GGA2: variants seen among roughly 807,000 people sequenced by gnomAD.
GGA2 encodes the protein golgi associated, gamma adaptin ear containing, ARF binding protein 2, also known as ADP-ribosylation factor-binding protein GGA2.
Under a neutral mutation model 79.5 loss-of-function variants are expected in GGA2, and 48 were observed. The ratio of observed to expected loss-of-function variants is 0.60; its 90% confidence interval spans 0.48 to 0.77. The LOEUF (loss-of-function observed/expected upper bound fraction) is 0.77. Among genes scored for constraint, GGA2 ranks in the 30% least tolerant of loss-of-function variants. GGA2 has a pLI of 0.00. For missense variants in GGA2, 770 were observed against 774.0 expected (o/e 0.99, Z 0.06); for synonymous variants, 317 against 302.0 (o/e 1.05, Z -0.51).
At chr16:23,493,908 A>G in intron 3 of GGA2, 2 of 290,988 alleles carry the variant, frequency 6.9e-6, no homozygotes, top group Non-Finnish European at 1.3e-5. Context: ...AGTCACCAAC[A>G]TCTAAACACT....
intron 1 of GGA2, chr16:23,501,742 A>G (rs1479371773): frequency 6.4e-6 from 1 of 156,590 alleles, no homozygotes. Context: ...GCTGAAAGAA[A>G]CAACAAAATT....
intron 8 of GGA2, among the ~76,000 whole-genome samples, chr16:23,484,216 T>C (rs1190835880): frequency 6.7e-6 from 1 of 149,016 alleles, no homozygotes; most frequent in African/African-American, 2.5e-5. Flanking sequence ...GAGACCAGCC[T>C]AACCAACATA....
chr16:23,509,795 A>G (rs1717560873), intron 1 of GGA2, among the ~76,000 whole-genome samples: 1 of 150,812 alleles, frequency 6.6e-6, no homozygotes, highest in African/African-American at 2.4e-5. Flanking sequence ...TGTTTAAAAA[A>G]AAAAGTCTGG....
Position 23,466,236 on chromosome 16 carries a change from G to A in GGA2, c.*1354C>T, listed in dbSNP as rs1254501227. 6.6e-6 allele frequency: 1 copy of A among 152,200 alleles called. No individual in the cohort carries two copies. The highest frequency in any genetic ancestry group is 2.4e-5 in the African/African-American group (1 of 41,458). The allele number at this position is 152,200 out of a possible 1,614,324, so 9.4% of individuals were successfully genotyped here. ...TCAAAGGTAGAAACCCACCCAGCCA[G>A]TTCAGCTGCTTGGACTTCAAAGCCC... On this transcript the variant is annotated 3_prime_UTR_variant, in exon 17 of 17. Transcript: ENST00000309859.
At chr16:23,491,396 A>C (rs961291935) in intron 5 of GGA2, among the ~76,000 whole-genome samples, 1 of 151,560 alleles carries the variant, frequency 6.6e-6, no homozygotes, top group African/African-American at 2.4e-5. Context: ...TGACATAGGT[A>C]GCTTGTATTT....
chr16:23,510,329 A>T lies in GGA2; in HGVS notation c.83T>A (p.Leu28Gln), dbSNP rs1433408583. 7.0e-7 allele frequency: 1 copy of T among 1,435,178 alleles called. No homozygotes were observed. Among genetic ancestry groups the T allele is most frequent in the South Asian group, 1.4e-5 (1 of 73,414 alleles). The allele number at this position is 1,435,178 out of a possible 1,614,324, so 88.9% of individuals were successfully genotyped here. The change falls in exon 1 of 17, where the codon CTG becomes CAG. Residue 28 changes from leucine (L) to glutamine (Q), a missense_variant. Coordinates refer to ENST00000309859, the MANE Select transcript of GGA2 (RefSeq NM_015044.4). ...GPPGPAASLE[L>Q]WLNKATDPSM... is the part of the protein sequence containing the mutation. ...CCTGCCAGGCTACTCACTGAGCCAC[A>T]GCTCCAGCGACGCTGCCGGGCCCGG...
chr16:23,509,876 A>T (rs1965016536), intron 1 of GGA2, among the ~76,000 whole-genome samples: 1 of 151,686 alleles, frequency 6.6e-6, no homozygotes, highest in African/African-American at 2.4e-5. Context: ...TCTCAGCCCC[A>T]AACAGACTGC....
intron 1 of GGA2, among the ~76,000 whole-genome samples, chr16:23,499,247 C>G (rs1222129967): frequency 6.6e-6 from 1 of 151,326 alleles, no homozygotes; most frequent in Non-Finnish European, 1.5e-5. Context: ...CGGGTTCAAG[C>G]GATTCTCCGG....
At chr16:23,512,700 CTTTTTTTTTTTTTTTTTT>C (rs34027000), upstream of GGA2, among the ~76,000 whole-genome samples, 6 of 55,932 alleles carry the variant, frequency 1.1e-4, no homozygotes, top group African/African-American at 4.7e-4. Flanking sequence ...TAAAGAAAAT[CTTTTTTTTTTTTTTTTTT>C]TTTTTTTTTT....
intron 10 of GGA2, chr16:23,480,106 T>C (rs866280855): frequency 1.7e-5 from 9 of 526,556 alleles, no homozygotes; most frequent in East Asian, 3.4e-5. Flanking sequence ...CCAGGGATCA[T>C]AGGCCCTCCT....
At chr16:23,493,764 A>G in intron 3 of GGA2, 1 of 333,644 alleles carries the variant, frequency 3.0e-6, no homozygotes, top group East Asian at 7.1e-5. Flanking sequence ...TAAAGAACCA[A>G]CCCCTCCCCA....
At chr16:23,492,175 A>C (rs1359478789) in intron 4 of GGA2, among the ~76,000 whole-genome samples, 5 of 152,224 alleles carry the variant, frequency 3.3e-5, no homozygotes, top group African/African-American at 1.2e-4. Flanking sequence ...GTGTCTTGTT[A>C]TTCAAGAGAC....
At chr16:23,509,804 G>C (rs781409146) in intron 1 of GGA2, among the ~76,000 whole-genome samples, 123 of 150,372 alleles carry the variant, frequency 8.2e-4, no homozygotes, top group Non-Finnish European at 1.4e-3. Context: ...AAAAAAGTCT[G>C]GCCAAAGTAA....
Position 23,483,130 on chromosome 16 carries a change from C to T in GGA2, c.799-126G>A, listed in dbSNP as rs555390293. The T allele has an allele frequency of 1.4e-3, 947 of 678,378 alleles. 5 individuals are homozygous for T. The highest frequency in any genetic ancestry group is 2.1e-3 in the Non-Finnish European group (782 of 369,036). 42.0% of individuals were successfully genotyped at this position (678,378 alleles called of 1,614,324 possible). On this transcript the variant is annotated intron_variant, in intron 8 of 16. Transcript: ENST00000309859. ...GGGCTTCAGAAGGCCTCCCAATGGT[C>T]CTGACTTAGAGACTGCAGTTTTGAA...
At chr16:23,516,285 T>C (rs995337459) in intron 2 of GGA2, among the ~76,000 whole-genome samples, 1 of 152,174 alleles carries the variant, frequency 6.6e-6, no homozygotes, top group African/African-American at 2.4e-5. Flanking sequence ...GTGCTGGGAT[T>C]ACAGGCATGA....
At chr16:23,518,062 A>T (rs1965114268) in intron 2 of GGA2, among the ~76,000 whole-genome samples, 1 of 151,794 alleles carries the variant, frequency 6.6e-6, no homozygotes, top group Non-Finnish European at 1.5e-5. Context: ...ACAGGTGCGC[A>T]CCACCATGCC....
intron 4 of GGA2, 118 bp from the exon 5 acceptor site, chr16:23,491,918 G>T: frequency 3.1e-6 from 2 of 640,412 alleles, no homozygotes; most frequent in Non-Finnish European, 5.4e-6. Flanking sequence ...CGGTATGAGT[G>T]TGAGGAGAGA....
chr16:23,520,358 G>A (rs1383888199), intron 1 of GGA2, among the ~76,000 whole-genome samples: 1 of 151,608 alleles, frequency 6.6e-6, no homozygotes, highest in Non-Finnish European at 1.5e-5. Flanking sequence ...CAAGAAAATT[G>A]AGGTACAGAA....
At chr16:23,475,791 G>A (rs1025778302) in intron 13 of GGA2, among the ~76,000 whole-genome samples, 2 of 151,746 alleles carry the variant, frequency 1.3e-5, no homozygotes, top group Non-Finnish European at 2.9e-5. Flanking sequence ...TAGCCAGGTG[G>A]TGGTGGCACA....
Sources: allele counts gnomAD v4.1 joint callset (sites outside exome capture counted in the v4.1 genomes callset), GRCh38; gene constraint gnomAD v4.1.1; transcripts MANE v1.5; gene names NCBI Gene and HGNC (gene_info 2026-07-23, HGNC 2026-07-21).